The following LIPA variants were observed in gnomAD, a reference collection of about 807,000 sequenced individuals.
The protein encoded by LIPA is lysosomal acid lipase/cholesteryl ester hydrolase.
A neutral mutation model predicts 40.6 loss-of-function variants in LIPA; 26 were observed. The observed-to-expected ratio is 0.64, with a 90% confidence interval of 0.47 to 0.89. The LOEUF (loss-of-function observed/expected upper bound fraction) is 0.89. Among genes scored for constraint, LIPA ranks in the 40% least tolerant of loss-of-function variants. The probability of loss-of-function intolerance (pLI) is 0.00; values close to 1 mark genes in which losing one functional copy is unlikely to be tolerated. For missense variants in LIPA, 455 were observed against 479.6 expected (o/e 0.95, Z 0.48); for synonymous variants, 188 against 168.4 (o/e 1.12, Z -0.90).
intron 2 of LIPA, 131 bp downstream of exon 2, chr10:89,247,407 A>ATC: frequency 1.8e-6 from 1 of 564,522 alleles, no homozygotes; most frequent in Non-Finnish European, 3.1e-6. Context: ...AAAAAAAAAA[A>ATC]AAAATTCAGA....
chr10:89,227,598 G>A (rs775343842), intron 4 of LIPA, among the ~76,000 whole-genome samples: 2 of 152,214 alleles, frequency 1.3e-5, no homozygotes, highest in Non-Finnish European at 2.9e-5. Flanking sequence ...ACCCAAGTGT[G>A]CGTATGGGTA....
chr10:89,339,026 G>T (rs1458254016), intron 1 of LIPA: 8 of 1,614,136 alleles, frequency 5.0e-6, no homozygotes, highest in Non-Finnish European at 5.9e-6. Flanking sequence ...AAACAAACCT[G>T]CAAGAAATTT....
At position 89,214,675 on chromosome 10, in the gene LIPA, G is replaced by C. The variant is rs1162422529; in HGVS notation, c.*153C>G. The stretch of plus-strand genomic sequence containing the variant: ...GCTAGTATGTTTCTAATTGAAACTA[G>C]AGTGAACTGGGCATCTTCAAAGTTA... On this transcript the variant is annotated 3_prime_UTR_variant, in exon 10 of 10. Transcript: ENST00000336233. The C allele has an allele frequency of 1.6e-6, 1 of 619,702 alleles. No individual in the cohort carries two copies. Among genetic ancestry groups the C allele is most frequent in the African/African-American group, 1.9e-5 (1 of 54,046 alleles). The allele number at this position is 619,702 out of a possible 1,614,324, so 38.4% of individuals were successfully genotyped here. A position where few individuals can be genotyped will look rare whatever the true frequency, so the allele number is the denominator to read the frequency against.
chr10:89,268,065 T>C (rs1170761798), intron 1 of LIPA, among the ~76,000 whole-genome samples: 1 of 152,228 alleles, frequency 6.6e-6, no homozygotes, highest in Non-Finnish European at 1.5e-5. Flanking sequence ...ACCCTCCTGT[T>C]CATGTAATGT....
chr10:89,251,452 C>A (rs1276041579), intron 1 of LIPA, among the ~76,000 whole-genome samples: 1 of 152,130 alleles, frequency 6.6e-6, no homozygotes, highest in Non-Finnish European at 1.5e-5. Context: ...GGCAGCTTCA[C>A]TGACCGGAGA....
Position 89,402,761 on chromosome 10 carries a change from C to A in LIPA, c.61+10030G>T. ...GAAAAAATTATGAACGGGCCAAGGC[C>A]TGCTTTGAAAAGGTGCTTGAAGTGG... On this transcript the variant is annotated intron_variant, in intron 2 of 8. Transcript: ENST00000371837. The A allele has an allele frequency of 2.5e-6, 4 of 1,614,230 alleles. No homozygotes were observed. In the South Asian group the frequency reaches 4.4e-5, roughly 18 times the overall value.
At chr10:89,361,956 T>C (rs768788424) in intron 2 of LIPA, among the ~76,000 whole-genome samples, 6 of 134,588 alleles carry the variant, frequency 4.5e-5, no homozygotes, top group Admixed American at 1.8e-4. Flanking sequence ...TGGAGGGCAG[T>C]GGTATGATCA....
At position 89,227,599 on chromosome 10, in the gene LIPA, C is replaced by T. The variant is rs185432966; in HGVS notation, c.429-595G>A. On this transcript the variant is annotated intron_variant, in intron 4 of 9. Transcript: ENST00000336233. ...AAACATAGACCAAAACCCAAGTGTG[C>T]GTATGGGTATATGCATGCGCATGTT... Among the ~76,000 whole-genome samples, 13 of 152,302 alleles carry T rather than the reference C, an allele frequency of 8.5e-5. No individual in the cohort carries two copies. The East Asian group carries it at 1.5e-3, about 18-fold the overall frequency.
intron 1 of LIPA, among the ~76,000 whole-genome samples, chr10:89,333,982 T>C (rs1384260163): frequency 6.6e-6 from 1 of 152,262 alleles, no homozygotes; most frequent in African/African-American, 2.4e-5. Flanking sequence ...GGATTGGGCC[T>C]GTTCTGACCA....
chr10:89,344,471 G>A (rs963816332), upstream of LIPA, among the ~76,000 whole-genome samples: 2 of 152,160 alleles, frequency 1.3e-5, no homozygotes, highest in Admixed American at 6.6e-5. Context: ...CCTTGCAGAC[G>A]TAAATGATGG....
intron 1 of LIPA, among the ~76,000 whole-genome samples, chr10:89,320,970 G>T (rs1484337017): frequency 1.3e-5 from 2 of 151,860 alleles, no homozygotes; most frequent in Non-Finnish European, 2.9e-5. Flanking sequence ...AATGGGGAAA[G>T]GATTCCCTAT....
At chr10:89,348,854 T>C (rs1176225385) in intron 2 of LIPA, among the ~76,000 whole-genome samples, 3 of 152,214 alleles carry the variant, frequency 2.0e-5, no homozygotes, top group East Asian at 3.8e-4. Flanking sequence ...CTCCATCTTA[T>C]GTCCAGAATG....
intron 1 of LIPA, chr10:89,306,712 T>G: frequency 6.2e-7 from 1 of 1,614,142 alleles, no homozygotes. Context: ...TTCTTCGCAG[T>G]GCAGCCAAGT....
upstream of LIPA, among the ~76,000 whole-genome samples, chr10:89,347,163 T>C (rs1463220096): frequency 6.6e-6 from 1 of 152,182 alleles, no homozygotes; most frequent in African/African-American, 2.4e-5. Context: ...AAAAAGTGCA[T>C]GGGGCCAAGT....
At chr10:89,231,808 G>C (rs1842845923) in intron 3 of LIPA, among the ~76,000 whole-genome samples, 1 of 152,158 alleles carries the variant, frequency 6.6e-6, no homozygotes, top group Admixed American at 6.5e-5. Flanking sequence ...AAATAGAAAT[G>C]CCAGGGCCAT....
chr10:89,351,622 A>G (rs1387835539), intron 2 of LIPA, among the ~76,000 whole-genome samples: 1 of 152,222 alleles, frequency 6.6e-6, no homozygotes, highest in Non-Finnish European at 1.5e-5. Flanking sequence ...ACAGGCAATT[A>G]GAATATGTGA....
chr10:89,221,024 C>T (rs987399617), intron 8 of LIPA, among the ~76,000 whole-genome samples: 1 of 151,074 alleles, frequency 6.6e-6, no homozygotes, highest in Non-Finnish European at 1.5e-5. Context: ...AACTAAGCTA[C>T]AATGACAGGA....
chr10:89,394,043 T>A (rs926399431), intron 2 of LIPA, among the ~76,000 whole-genome samples: 1 of 152,212 alleles, frequency 6.6e-6, no homozygotes, highest in African/African-American at 2.4e-5. Context: ...TACACAGTCA[T>A]GCATCGTGTA....
At chr10:89,274,438 GTC>G in intron 1 of LIPA, among the ~76,000 whole-genome samples, 1 of 152,194 alleles carries the variant, frequency 6.6e-6, no homozygotes, top group Non-Finnish European at 1.5e-5. Flanking sequence ...AGTCCAGACA[GTC>G]TTTTGTGTTG....
Sources: allele counts gnomAD v4.1 joint callset (sites outside exome capture counted in the v4.1 genomes callset), GRCh38; gene constraint gnomAD v4.1.1; transcripts MANE v1.5; gene names NCBI Gene and HGNC (gene_info 2026-07-23, HGNC 2026-07-21).